MSRA: variants seen among roughly 807,000 people sequenced by gnomAD.
MSRA encodes methionine sulfoxide reductase A.
MSRA carries 54 observed loss-of-function variants against 31.3 expected under a neutral mutation model. The ratio of observed to expected loss-of-function variants is 1.73; its 90% CI spans 1.39 to 2.17. The LOEUF (loss-of-function observed/expected upper bound fraction) is 2.17. Among genes scored for constraint, MSRA ranks in the 30% most tolerant of loss-of-function variants. The probability of loss-of-function intolerance (pLI) is 0.00; values close to 1 mark genes in which losing one functional copy is unlikely to be tolerated. For synonymous variants in MSRA, 169 were observed against 116.5 expected, an observed-to-expected ratio of 1.45 and a Z score of -2.90; for missense variants, 507 against 300.9, an observed-to-expected ratio of 1.69 and a Z score of -5.07.
chr8:10,284,586 G>T (rs1339877149), intron 3 of MSRA, among the ~76,000 whole-genome samples: 2 of 152,206 alleles, frequency 1.3e-5, no homozygotes, highest in Non-Finnish European at 2.9e-5. Context: ...TTGGATTCAT[G>T]TCCATTATCT....
At chr8:10,322,017 C>T (rs1345515986) in intron 5 of MSRA, among the ~76,000 whole-genome samples, 1 of 152,222 alleles carries the variant, frequency 6.6e-6, no homozygotes, top group Non-Finnish European at 1.5e-5. Flanking sequence ...TATATTCTTT[C>T]TCTTATCCCT....
chr8:10,170,542 A>G (rs1805502777), intron 1 of MSRA, among the ~76,000 whole-genome samples: 1 of 152,218 alleles, frequency 6.6e-6, no homozygotes, highest in South Asian at 2.1e-4. Context: ...AGTGGATTCA[A>G]CGAAACTTGG....
At chr8:10,189,305 T>C (rs1248370689) in intron 1 of MSRA, among the ~76,000 whole-genome samples, 1 of 152,018 alleles carries the variant, frequency 6.6e-6, no homozygotes, top group African/African-American at 2.4e-5. Flanking sequence ...TATAAAGTAT[T>C]TTCCTTCTTT....
intron 1 of MSRA, among the ~76,000 whole-genome samples, chr8:10,184,218 C>A (rs1037563471): frequency 6.7e-6 from 1 of 150,374 alleles, no homozygotes; most frequent in Non-Finnish European, 1.5e-5. Context: ...TGGTGGTGGT[C>A]GGGATGGAAG....
chr8:10,074,626 G>A (rs763530982), intron 1 of MSRA, among the ~76,000 whole-genome samples: 2 of 151,954 alleles, frequency 1.3e-5, no homozygotes, highest in Non-Finnish European at 2.9e-5. Context: ...CCAGAACATG[G>A]CTTTATTGAT....
At chr8:10,337,475 G>T in intron 5 of MSRA, 1 of 501,854 alleles carries the variant, frequency 2.0e-6, no homozygotes, top group Non-Finnish European at 3.5e-6. Flanking sequence ...CACCACGCCC[G>T]GCCAAGCCTA....
At chr8:10,412,061 C>A (rs1303182002) in intron 5 of MSRA, among the ~76,000 whole-genome samples, 1 of 152,234 alleles carries the variant, frequency 6.6e-6, no homozygotes, top group African/African-American at 2.4e-5. Context: ...ATGCAAACTG[C>A]ATTCTTTTAG....
At chr8:10,126,721 C>T (rs1164138577) in intron 1 of MSRA, among the ~76,000 whole-genome samples, 1 of 152,186 alleles carries the variant, frequency 6.6e-6, no homozygotes, top group African/African-American at 2.4e-5. Context: ...GCCATGTTGG[C>T]CAGGCTGGTC....
chr8:10,172,263 A>C (rs528925103), intron 1 of MSRA, among the ~76,000 whole-genome samples: 3 of 152,304 alleles, frequency 2.0e-5, no homozygotes, highest in South Asian at 2.1e-4. Context: ...ACAGGAGCTC[A>C]TGGATTCCAG....
intron 1 of MSRA, among the ~76,000 whole-genome samples, chr8:10,090,019 C>G (rs907847596): frequency 6.6e-6 from 1 of 152,152 alleles, no homozygotes; most frequent in Admixed American, 6.5e-5. Flanking sequence ...CAAACCACAT[C>G]CAAACCACAG....
intron 5 of MSRA, among the ~76,000 whole-genome samples, chr8:10,392,018 G>C (rs1470206142): frequency 6.6e-6 from 1 of 152,186 alleles, no homozygotes. Context: ...AGAAGTCACT[G>C]TCTGACCACC....
intron 4 of MSRA, among the ~76,000 whole-genome samples, chr8:10,308,555 C>A (rs1023200394): frequency 6.6e-6 from 1 of 152,186 alleles, no homozygotes; most frequent in African/African-American, 2.4e-5. Flanking sequence ...AGCACTTTGC[C>A]GGTTGCCCGA....
intron 1 of MSRA, among the ~76,000 whole-genome samples, chr8:10,186,788 G>A (rs929193957): frequency 6.6e-6 from 1 of 152,206 alleles, no homozygotes; most frequent in Admixed American, 6.5e-5. Flanking sequence ...CATAACGTTA[G>A]TCCTGCCGTG....
At chr8:10,058,593 A>G (rs1453022307) in intron 1 of MSRA, among the ~76,000 whole-genome samples, 1 of 152,244 alleles carries the variant, frequency 6.6e-6, no homozygotes, top group Non-Finnish European at 1.5e-5. Flanking sequence ...TTTAAAGAGC[A>G]GATAATTCCA....
At chr8:10,187,396 A>C (rs901195478) in intron 1 of MSRA, among the ~76,000 whole-genome samples, 3 of 152,198 alleles carry the variant, frequency 2.0e-5, no homozygotes, top group African/African-American at 7.2e-5. Context: ...CTTGATTTAC[A>C]CCGGTACCCA....
At chr8:10,189,762 T>C (rs1316225192) in intron 1 of MSRA, among the ~76,000 whole-genome samples, 1 of 152,206 alleles carries the variant, frequency 6.6e-6, no homozygotes, top group Non-Finnish European at 1.5e-5. Flanking sequence ...AAATTCTGTG[T>C]TCATAAAGGG....
intron 5 of MSRA, among the ~76,000 whole-genome samples, chr8:10,381,298 C>G (rs1806054235): frequency 6.6e-6 from 1 of 152,118 alleles, no homozygotes; most frequent in Admixed American, 6.5e-5. Context: ...TTTGATCCAC[C>G]CTATTCCTAA....
chr8:10,335,392 C>G (rs1261127613), intron 5 of MSRA, among the ~76,000 whole-genome samples: 1 of 151,760 alleles, frequency 6.6e-6, no homozygotes, highest in Non-Finnish European at 1.5e-5. Flanking sequence ...CCCCGTGGCT[C>G]CAAAGCCGCG....
At chr8:10,141,561 G>T (rs547542778) in intron 1 of MSRA, among the ~76,000 whole-genome samples, 1 of 152,186 alleles carries the variant, frequency 6.6e-6, no homozygotes, top group Non-Finnish European at 1.5e-5. Flanking sequence ...AAGCCTTAGA[G>T]CTAAGCATGC....
Sources: allele counts gnomAD v4.1 joint callset (sites outside exome capture counted in the v4.1 genomes callset), GRCh38; gene constraint gnomAD v4.1.1; transcripts MANE v1.5; gene names NCBI Gene and HGNC (gene_info 2026-07-23, HGNC 2026-07-21).